LGR5: variants seen among roughly 807,000 people sequenced by gnomAD.
LGR5 encodes the protein leucine rich repeat containing G protein-coupled receptor 5.
In LGR5, 54 loss-of-function variants were observed where a neutral mutation model predicts 76.7. That is an observed-to-expected ratio of 0.70 (90% confidence interval 0.57 to 0.88). LGR5 has a LOEUF of 0.88. LGR5 is among the 40% of genes least tolerant of loss of function. The probability of loss-of-function intolerance (pLI) is 0.00; values close to 1 mark genes in which losing one functional copy is unlikely to be tolerated. For missense variants in LGR5, 1,078 were observed against 1,073.3 expected (o/e 1.00, Z -0.06); for synonymous variants, 406 against 421.9 (o/e 0.96, Z 0.46).
At chr12:71,552,529 C>A (rs1054347784) in intron 4 of LGR5, among the ~76,000 whole-genome samples, 2 of 150,172 alleles carry the variant, frequency 1.3e-5, no homozygotes, top group Admixed American at 1.3e-4. Flanking sequence ...CGCGCCATTG[C>A]ACTCCAGCCT....
At chr12:71,515,284 G>T (rs995713037) in intron 2 of LGR5, among the ~76,000 whole-genome samples, 1 of 152,194 alleles carries the variant, frequency 6.6e-6, no homozygotes, top group African/African-American at 2.4e-5. Flanking sequence ...ATTGAATCAT[G>T]AATATCAATT....
intron 11 of LGR5, among the ~76,000 whole-genome samples, chr12:71,570,311 TA>T (rs1478890953): frequency 6.6e-6 from 1 of 152,144 alleles, no homozygotes. Context: ...CCCAGAATTT[TA>T]AAAAAATAAA....
chr12:71,557,190 C>A (rs369239841), intron 6 of LGR5, among the ~76,000 whole-genome samples: 9 of 152,126 alleles, frequency 5.9e-5, no homozygotes, highest in Non-Finnish European at 1.2e-4. Flanking sequence ...GAAGCCAATG[C>A]GGGAGGATCG....
At chr12:71,576,922 C>G (rs1482081915) in intron 13 of LGR5, among the ~76,000 whole-genome samples, 2 of 152,184 alleles carry the variant, frequency 1.3e-5, no homozygotes, top group Non-Finnish European at 2.9e-5. Flanking sequence ...TGTAGCTTTT[C>G]TACCTTCCAT....
intron 16 of LGR5, among the ~76,000 whole-genome samples, chr12:71,581,155 A>G (rs1879075333): frequency 6.6e-6 from 1 of 152,228 alleles, no homozygotes; most frequent in Non-Finnish European, 1.5e-5. Context: ...AAGGATTGAA[A>G]GATATAAACA....
At chr12:71,559,752 A>C in intron 7 of LGR5, 98 bp downstream of exon 7, 1 of 644,054 alleles carries the variant, frequency 1.6e-6, no homozygotes, top group Non-Finnish European at 2.7e-6. Flanking sequence ...CTTGCTAGAA[A>C]ATTTTAAGTT....
At chr12:71,542,898 G>A (rs1876956366) in intron 4 of LGR5, among the ~76,000 whole-genome samples, 1 of 152,064 alleles carries the variant, frequency 6.6e-6, no homozygotes, top group South Asian at 2.1e-4. Flanking sequence ...TCTAGTTTAG[G>A]TTCCCCAACC....
chr12:71,510,044 T>C (rs1472385273), intron 2 of LGR5, among the ~76,000 whole-genome samples: 2 of 152,236 alleles, frequency 1.3e-5, no homozygotes, highest in African/African-American at 2.4e-5. Context: ...CTGTCCTGCC[T>C]GTCTTTTGAG....
intron 1 of LGR5, among the ~76,000 whole-genome samples, chr12:71,458,421 C>G (rs1159413337): frequency 1.3e-5 from 2 of 152,008 alleles, no homozygotes; most frequent in Middle Eastern, 3.2e-3. Context: ...ATTTAAAGAC[C>G]AATATTCTAC....
At chr12:71,483,093 A>T (rs1873680150) in intron 1 of LGR5, among the ~76,000 whole-genome samples, 1 of 152,170 alleles carries the variant, frequency 6.6e-6, no homozygotes, top group Admixed American at 6.6e-5. Context: ...ATAAGAAAAA[A>T]AAAGGAACCA....
chr12:71,555,901 A>G (rs947319412), intron 5 of LGR5, among the ~76,000 whole-genome samples: 2 of 152,194 alleles, frequency 1.3e-5, no homozygotes, highest in Non-Finnish European at 2.9e-5. Flanking sequence ...CCTATTCACA[A>G]TAGCAAAGAT....
At chr12:71,463,677 A>T (rs1022168193) in intron 1 of LGR5, among the ~76,000 whole-genome samples, 2 of 152,176 alleles carry the variant, frequency 1.3e-5, no homozygotes, top group African/African-American at 4.8e-5. Context: ...AATTTACGAT[A>T]GTACTACAGA....
Position 71,439,827 on chromosome 12 carries a change from G to A in LGR5, c.-254G>A, listed in dbSNP as rs993022787. On this transcript the variant is annotated 5_prime_UTR_variant, in exon 1 of 18. Coordinates refer to ENST00000266674, the MANE Select transcript of LGR5 (RefSeq NM_003667.4). ...CACACCGCTCAGGCCGCGAGCAGCA[G>A]CAAGGCGCACCGCCACTGTCGCCGC... is the stretch of plus-strand genomic sequence containing the variant. 1 of 486,696 alleles carries A rather than the reference G, an allele frequency of 2.1e-6. No individual in the cohort carries two copies. The highest frequency in any genetic ancestry group is 3.6e-6 in the Non-Finnish European group (1 of 277,834). The allele number at this position is 486,696 out of a possible 1,614,324, so 30.1% of individuals were successfully genotyped here.
intron 1 of LGR5, among the ~76,000 whole-genome samples, chr12:71,496,160 A>G (rs1874307641): frequency 6.6e-6 from 1 of 152,132 alleles, no homozygotes; most frequent in African/African-American, 2.4e-5. Flanking sequence ...TCACCAGGTC[A>G]GGAGATCAAG....
intron 1 of LGR5, among the ~76,000 whole-genome samples, chr12:71,449,993 C>T (rs1372704029): frequency 6.6e-6 from 1 of 152,170 alleles, no homozygotes; most frequent in African/African-American, 2.4e-5. Context: ...TTCAGTGCAT[C>T]AAAAGCTATG....
chr12:71,573,209 C>T (rs778745419), intron 13 of LGR5, among the ~76,000 whole-genome samples: 5 of 152,118 alleles, frequency 3.3e-5, no homozygotes, highest in Non-Finnish European at 7.4e-5. Context: ...AACCTGGAAT[C>T]GACAAGAAAC....
At chr12:71,448,112 CA>C (rs1363247631) in intron 1 of LGR5, among the ~76,000 whole-genome samples, 1 of 150,948 alleles carries the variant, frequency 6.6e-6, no homozygotes, top group Non-Finnish European at 1.5e-5. Context: ...CACACACACA[CA>C]AACTGTGGTG....
intron 11 of LGR5, among the ~76,000 whole-genome samples, chr12:71,569,548 G>C (rs2951518): frequency 0.88 from 134,166 of 152,230 alleles, 61,101 homozygotes; most frequent in East Asian, 1. Context: ...CCAACAAACA[G>C]ATGAAAAATA....
intron 1 of LGR5, among the ~76,000 whole-genome samples, chr12:71,479,862 G>C (rs1331268931): frequency 2.2e-4 from 33 of 152,168 alleles, no homozygotes. Context: ...TGAGGATGGA[G>C]AGTTAGGCAC....
Sources: gnomAD v4.1 joint callset for allele counts (sites outside exome capture counted in the v4.1 genomes callset) on GRCh38, gnomAD v4.1.1 for gene constraint, MANE v1.5 for transcripts, NCBI Gene and HGNC (gene_info 2026-07-23, HGNC 2026-07-21) for gene names.